The following UBE2W variants were observed in gnomAD, a reference collection of about 807,000 sequenced individuals.
UBE2W encodes the protein ubiquitin-conjugating enzyme E2 W.
UBE2W carries 18 observed loss-of-function variants against 27.2 expected under a neutral mutation model. The observed-to-expected ratio is 0.66, with a 90% CI of 0.46 to 0.98. The LOEUF (loss-of-function observed/expected upper bound fraction) is 0.98, where lower values mean the gene tolerates loss of function less well. Among genes scored for constraint, UBE2W ranks in the 50% least tolerant of loss-of-function variants. UBE2W has a pLI of 0.00. For synonymous variants in UBE2W, 53 were observed against 57.2 expected (o/e 0.93, Z 0.33); for missense variants, 90 against 180.2 (o/e 0.50, Z 2.87).
At chr8:73,805,459 A>AAAAAAACAAAAAC (rs1808842296) in intron 5 of UBE2W, among the ~76,000 whole-genome samples, 192 bp downstream of exon 5, 1 of 134,512 alleles carries the variant, frequency 7.4e-6, no homozygotes, top group African/African-American at 2.7e-5. Flanking sequence ...CATCTCAAAA[A>AAAAAAACAAAAAC]AAAAAAAAAA....
At chr8:73,870,681 A>G (rs1434940358) in intron 1 of UBE2W, among the ~76,000 whole-genome samples, 1 of 152,120 alleles carries the variant, frequency 6.6e-6, no homozygotes, top group South Asian at 2.1e-4. Context: ...ATAGAAAATA[A>G]GCTAATTAAT....
chr8:73,858,440 T>G (rs1811395960), intron 1 of UBE2W, among the ~76,000 whole-genome samples: 1 of 151,298 alleles, frequency 6.6e-6, no homozygotes, highest in South Asian at 2.1e-4. Context: ...ATATGAAAAG[T>G]ACAAATACTG....
intron 1 of UBE2W, among the ~76,000 whole-genome samples, chr8:73,848,622 T>C (rs1810917934): frequency 6.6e-6 from 1 of 152,114 alleles, no homozygotes; most frequent in African/African-American, 2.4e-5. Context: ...AGCCTAGGAA[T>C]TGGAGGCTGC....
chr8:73,799,810 T>C (rs915822032), intron 5 of UBE2W, among the ~76,000 whole-genome samples: 1 of 152,180 alleles, frequency 6.6e-6, no homozygotes, highest in Admixed American at 6.5e-5. Flanking sequence ...TCTTTCTGCC[T>C]AGCCTTGAAA....
rs552536005 is a variant in UBE2W, at chr8:73,805,297, T to A, written c.442+354A>T. The stretch of plus-strand genomic sequence containing the variant: ...ACAGAAACCCCATCTCTACTAAAAA[T>A]ACAAAATTAGCTGGGTGTGGTTGCA... On this transcript the variant is annotated intron_variant, in intron 5 of 5. Coordinates refer to ENST00000602593, the MANE Select transcript of UBE2W (RefSeq NM_018299.6). Among the ~76,000 whole-genome samples, 34 of 149,040 alleles carry A rather than the reference T, an allele frequency of 2.3e-4. No individual in the cohort carries two copies. The South Asian group carries it at 6.2e-3, about 27-fold the overall frequency.
downstream of UBE2W, among the ~76,000 whole-genome samples, chr8:73,783,723 C>T (rs1807885006): frequency 6.6e-6 from 1 of 152,174 alleles, no homozygotes. Context: ...TCTCATTCCA[C>T]CAGTCCCTTT....
chr8:73,822,912 G>A (rs1809686911), intron 3 of UBE2W, among the ~76,000 whole-genome samples: 1 of 152,204 alleles, frequency 6.6e-6, no homozygotes, highest in African/African-American at 2.4e-5. Flanking sequence ...CACAAAAATA[G>A]ACAGGTGGAC....
chr8:73,809,633 T>C (rs769504047), intron 4 of UBE2W, among the ~76,000 whole-genome samples: 10 of 152,178 alleles, frequency 6.6e-5, no homozygotes, highest in Admixed American at 5.9e-4. Flanking sequence ...TCACCCAGGC[T>C]GTAGTGTAGT....
chr8:73,821,038 C>T (rs1809591320), intron 3 of UBE2W, among the ~76,000 whole-genome samples: 2 of 152,118 alleles, frequency 1.3e-5, no homozygotes, highest in Admixed American at 1.3e-4. Flanking sequence ...TTCAAAGGTA[C>T]CATTCATTCC....
At chr8:73,803,617 T>TGTACA (rs1808738887) in intron 5 of UBE2W, among the ~76,000 whole-genome samples, 2 of 152,208 alleles carry the variant, frequency 1.3e-5, no homozygotes, top group African/African-American at 2.4e-5. Flanking sequence ...ACCTACAGTT[T>TGTACA]GTAAAATACA....
chr8:73,804,843 G>C (rs1808803656), intron 5 of UBE2W, among the ~76,000 whole-genome samples: 1 of 151,568 alleles, frequency 6.6e-6, no homozygotes. Flanking sequence ...TGATTCTCAT[G>C]CATCAGCCTC....
At chr8:73,832,915 C>G (rs957807437) in intron 1 of UBE2W, among the ~76,000 whole-genome samples, 1 of 152,090 alleles carries the variant, frequency 6.6e-6, no homozygotes, top group African/African-American at 2.4e-5. Context: ...TTCGGCTGGG[C>G]GTTGTGGCTC....
chr8:73,806,068 T>C lies in UBE2W; in HGVS notation c.367-342A>G, dbSNP rs185865697. ...TACTTGGGAGGCTGAGGCAGGAGAATTGATTGAACCCGGGAGGCAGAGGTT... is the reference window on the plus strand; with the variant it reads ...TACTTGGGAGGCTGAGGCAGGAGAACTGATTGAACCCGGGAGGCAGAGGTT... On this transcript the variant is annotated intron_variant, in intron 4 of 5. Transcript: ENST00000602593. Among the ~76,000 whole-genome samples the C allele has an allele frequency of 2.7e-3, 404 of 152,118 alleles. 1 individual carries two copies. Among genetic ancestry groups the C allele is most frequent in the African/African-American group, 9.4e-3 (392 of 41,486 alleles).
chr8:73,782,222 C>T (rs1470481193), downstream of UBE2W, among the ~76,000 whole-genome samples: 2 of 151,896 alleles, frequency 1.3e-5, no homozygotes, highest in Non-Finnish European at 2.9e-5. Context: ...ACTGGGATTA[C>T]AGGCATGAGC....
chr8:73,780,906 T>G (rs1382677959), intron 4 of UBE2W, among the ~76,000 whole-genome samples: 1 of 152,220 alleles, frequency 6.6e-6, no homozygotes, highest in Non-Finnish European at 1.5e-5. Flanking sequence ...TAAATGAAGG[T>G]GATCAGGGTG....
rs1338777341 is a variant in UBE2W at position 73,791,862 on chromosome 8, T to C, written c.*2240A>G. On this transcript the variant is annotated 3_prime_UTR_variant, in exon 6 of 6. Transcript: ENST00000602593. ...ATTTTAGTTTACTTTATGGTATTTA[T>C]ATGTAGAGAGAGAGGTATGTTAAAA... The C allele has an allele frequency of 5.1e-6, 5 of 984,602 alleles. No individual in the cohort carries two copies. Among genetic ancestry groups the C allele is most frequent in the Non-Finnish European group, 6.0e-6 (5 of 829,258 alleles). The allele number at this position is 984,602 out of a possible 1,614,324, so 61.0% of individuals were successfully genotyped here.
downstream of UBE2W, among the ~76,000 whole-genome samples, chr8:73,784,445 A>T (rs1459183283): frequency 6.6e-6 from 1 of 152,186 alleles, no homozygotes; most frequent in Non-Finnish European, 1.5e-5. Context: ...AGCAAACCAT[A>T]TCAGATCATG....
At position 73,789,296 on chromosome 8, in the gene UBE2W, C is replaced by T. The variant is rs151196128; in HGVS notation, c.*4806G>A. 4 of 110,304 alleles carry T rather than the reference C, an allele frequency of 3.6e-5. No homozygotes were observed. Among genetic ancestry groups the T allele is most frequent in the Non-Finnish European group, 5.0e-5 (3 of 59,696 alleles). The allele number at this position is 110,304 out of a possible 1,614,324, so 6.8% of individuals were successfully genotyped here. A position where few individuals can be genotyped will look rare whatever the true frequency, so the allele number is the denominator to read the frequency against. ...GATCAGCCTGGGCAACATGGTGAGA[C>T]CTCGTGTCTTTAAAAAAAAAAAAAA... is the stretch of plus-strand genomic sequence containing the variant. On this transcript the variant is annotated 3_prime_UTR_variant, in exon 6 of 6. Coordinates refer to ENST00000602593, the MANE Select transcript of UBE2W (RefSeq NM_018299.6).
At chr8:73,796,656 C>G (rs1808433882) in intron 5 of UBE2W, 1 of 984,936 alleles carries the variant, frequency 1.0e-6, no homozygotes. Context: ...ACAGCTAGAT[C>G]AACAGGGACT....
Sources: gnomAD v4.1 joint callset for allele counts (sites outside exome capture counted in the v4.1 genomes callset) on GRCh38, gnomAD v4.1.1 for gene constraint, MANE v1.5 for transcripts, NCBI Gene and HGNC (gene_info 2026-07-23, HGNC 2026-07-21) for gene names.